The following TRHDE variants were observed in gnomAD, a reference collection of about 807,000 sequenced individuals.
TRHDE encodes the protein thyrotropin-releasing hormone-degrading ectoenzyme.
Under a neutral mutation model 125.7 loss-of-function variants are expected in TRHDE, and 72 were observed. The ratio of observed to expected loss-of-function variants is 0.57; its 90% CI spans 0.47 to 0.70. The LOEUF (loss-of-function observed/expected upper bound fraction) is 0.70, where lower values mean the gene tolerates loss of function less well. Among genes scored for constraint, TRHDE ranks in the 30% least tolerant of loss-of-function variants. The pLI, the probability that TRHDE is intolerant of heterozygous loss-of-function variation, is 0.00. For missense variants in TRHDE, 1,110 were observed against 1,327.1 expected (o/e 0.84, Z 2.54); for synonymous variants, 509 against 509.1 (o/e 1.00, Z 0.00).
chr12:72,598,629 G>A (rs1298076524), intron 12 of TRHDE, among the ~76,000 whole-genome samples: 1 of 152,112 alleles, frequency 6.6e-6, no homozygotes, highest in African/African-American at 2.4e-5. Context: ...AAGCCACAAG[G>A]GTCATTGTGA....
intron 7 of TRHDE, among the ~76,000 whole-genome samples, chr12:72,551,953 G>A (rs538857835): frequency 2.8e-4 from 43 of 152,170 alleles, no homozygotes; most frequent in South Asian, 8.3e-4. Context: ...CAAGAAGAGG[G>A]AGGAGCCCTA....
intron 15 of TRHDE, among the ~76,000 whole-genome samples, chr12:72,648,352 C>T (rs1425707584): frequency 6.6e-6 from 1 of 151,958 alleles, no homozygotes; most frequent in Non-Finnish European, 1.5e-5. Context: ...ATCAGAATAC[C>T]TCCTTTAACC....
At chr12:72,358,719 G>C (rs1011700221) in intron 2 of TRHDE, among the ~76,000 whole-genome samples, 1 of 151,604 alleles carries the variant, frequency 6.6e-6, no homozygotes, top group Non-Finnish European at 1.5e-5. Flanking sequence ...AGCCAAAAGA[G>C]AGTTATTTGA....
At chr12:72,411,473 T>C (rs1268280942) in intron 3 of TRHDE, among the ~76,000 whole-genome samples, 2 of 151,870 alleles carry the variant, frequency 1.3e-5, no homozygotes, top group Non-Finnish European at 2.9e-5. Flanking sequence ...AATATAAAAA[T>C]TTATATTAAA....
chr12:72,521,164 G>A (rs968339982), intron 6 of TRHDE, among the ~76,000 whole-genome samples: 1 of 152,122 alleles, frequency 6.6e-6, no homozygotes, highest in Non-Finnish European at 1.5e-5. Context: ...CCTTTCATCT[G>A]ACCATTTATT....
At chr12:72,506,558 T>A (rs1469040793) in intron 6 of TRHDE, among the ~76,000 whole-genome samples, 1 of 152,170 alleles carries the variant, frequency 6.6e-6, no homozygotes, top group Non-Finnish European at 1.5e-5. Context: ...AACTGACACT[T>A]GGGTACTTAA....
At chr12:72,224,142 T>TATCTATCTATC (rs1565666700) in intron 2 of TRHDE, among the ~76,000 whole-genome samples, 1 of 32,638 alleles carries the variant, frequency 3.1e-5, no homozygotes, top group Non-Finnish European at 6.8e-5. Flanking sequence ...ATCTATCTAT[T>TATCTATCTATC]TATCTATGTA....
At chr12:72,302,108 A>G (rs1473877791) in intron 2 of TRHDE, among the ~76,000 whole-genome samples, 1 of 152,118 alleles carries the variant, frequency 6.6e-6, no homozygotes, top group Non-Finnish European at 1.5e-5. Flanking sequence ...ATTCTGTTAC[A>G]TGTGGGAAGA....
intron 6 of TRHDE, among the ~76,000 whole-genome samples, chr12:72,509,610 C>T (rs913436768): frequency 3.9e-5 from 6 of 152,152 alleles, no homozygotes; most frequent in Admixed American, 1.3e-4. Context: ...CTCAAGAAGA[C>T]CTCCCATTTA....
At chr12:72,458,252 TAC>T (rs1875955827) in intron 3 of TRHDE, among the ~76,000 whole-genome samples, 1 of 152,216 alleles carries the variant, frequency 6.6e-6, no homozygotes, top group African/African-American at 2.4e-5. Context: ...AAAATTCAAC[TAC>T]TTGATTATAT....
intron 1 of TRHDE, among the ~76,000 whole-genome samples, chr12:72,284,075 T>C (rs1278158542): frequency 6.6e-6 from 1 of 152,076 alleles, no homozygotes. Context: ...ACTTTTTGAG[T>C]ACTAACATGA....
intron 5 of TRHDE, among the ~76,000 whole-genome samples, chr12:72,493,904 T>C (rs1338878928): frequency 3.3e-5 from 5 of 152,040 alleles, no homozygotes; most frequent in Non-Finnish European, 7.4e-5. Context: ...CTTTTCGGTG[T>C]AGTCACACTA....
chr12:72,192,807 T>A (rs1479871835), intron 2 of TRHDE, among the ~76,000 whole-genome samples: 1 of 152,134 alleles, frequency 6.6e-6, no homozygotes, highest in African/African-American at 2.4e-5. Flanking sequence ...ATTACCTATT[T>A]TGCTAGTTGT....
chr12:72,629,075 A>G (rs1376446454), intron 15 of TRHDE, among the ~76,000 whole-genome samples: 1 of 151,822 alleles, frequency 6.6e-6, no homozygotes, highest in Non-Finnish European at 1.5e-5. Flanking sequence ...TACAGCTAAT[A>G]TAACTCCAGT....
intron 2 of TRHDE, among the ~76,000 whole-genome samples, chr12:72,327,058 T>A (rs868034724): frequency 1.3e-5 from 2 of 152,178 alleles, no homozygotes; most frequent in Middle Eastern, 3.2e-3. Flanking sequence ...TAAGATCTAT[T>A]ATCAGGTTTT....
At chr12:72,111,860 T>G (rs545623145) in intron 2 of TRHDE, among the ~76,000 whole-genome samples, 2 of 152,266 alleles carry the variant, frequency 1.3e-5, no homozygotes, top group Non-Finnish European at 2.9e-5. Context: ...TCTCTACATG[T>G]GTGAATATGT....
intron 2 of TRHDE, among the ~76,000 whole-genome samples, chr12:72,160,084 A>G (rs1876601876): frequency 6.6e-6 from 1 of 152,058 alleles, no homozygotes; most frequent in South Asian, 2.1e-4. Context: ...GAATTTTTGC[A>G]TAGGTTTGAT....
intron 12 of TRHDE, among the ~76,000 whole-genome samples, chr12:72,601,211 C>T (rs1490243332): frequency 6.6e-6 from 1 of 151,992 alleles, no homozygotes; most frequent in Non-Finnish European, 1.5e-5. Flanking sequence ...TTTAAAACTT[C>T]AGTGGAAAAA....
intron 2 of TRHDE, among the ~76,000 whole-genome samples, chr12:72,147,124 AG>A (rs1299805360): frequency 6.7e-6 from 1 of 149,738 alleles, no homozygotes; most frequent in Admixed American, 6.7e-5. Flanking sequence ...GGGGCAAAAT[AG>A]GGGGTGTGGT....
Sources: gnomAD v4.1 joint callset for allele counts (sites outside exome capture counted in the v4.1 genomes callset) on GRCh38, gnomAD v4.1.1 for gene constraint, MANE v1.5 for transcripts, NCBI Gene and HGNC (gene_info 2026-07-23, HGNC 2026-07-21) for gene names.